NUP98: variants seen among roughly 807,000 people sequenced by gnomAD.
The protein encoded by NUP98 is nuclear pore complex protein Nup98-Nup96.
Under a neutral mutation model 191.9 loss-of-function variants are expected in NUP98, and 26 were observed. The observed-to-expected ratio is 0.14, with a 90% CI of 0.10 to 0.19. The LOEUF is 0.19. Among genes scored for constraint, NUP98 ranks in the 10% least tolerant of loss-of-function variants. The pLI is 1.00. For missense variants in NUP98, 1,941 were observed against 2,178.8 expected, an observed-to-expected ratio of 0.89 and a Z score of 2.17; for synonymous variants, 808 against 778.4, an observed-to-expected ratio of 1.04 and a Z score of -0.63.
intron 20 of NUP98, among the ~76,000 whole-genome samples, chr11:3,706,888 C>A (rs1377561512): frequency 1.3e-5 from 2 of 152,146 alleles, no homozygotes; most frequent in Non-Finnish European, 2.9e-5. Context: ...TAAACCAGCA[C>A]CCATGGTGAA....
Position 3,679,769 on chromosome 11 carries a change from A to G in NUP98, c.4919-61T>C, listed in dbSNP as rs1046314673. The G allele has an allele frequency of 4.0e-6, 6 of 1,509,676 alleles. No homozygotes were observed. In the African/African-American group the frequency reaches 8.4e-5, roughly 21 times the overall value. The allele number at this position is 1,509,676 out of a possible 1,614,324, so 93.5% of individuals were successfully genotyped here. ...AAGTGCATAGTTTCCAAAAGTACAG[A>G]AGACATGGCAGGAAGACAGAAAGGA... On this transcript the variant is annotated intron_variant, in intron 30 of 32. Coordinates refer to ENST00000324932, the MANE Select transcript of NUP98 (RefSeq NM_016320.5).
intron 27 of NUP98, among the ~76,000 whole-genome samples, chr11:3,692,369 T>A (rs1414729267): frequency 1.3e-5 from 2 of 150,720 alleles, no homozygotes; most frequent in African/African-American, 4.9e-5. Flanking sequence ...GGCTCATGCC[T>A]GTAATCCTAG....
At chr11:3,683,919 C>T (rs972172954) in intron 29 of NUP98, among the ~76,000 whole-genome samples, 6 of 152,202 alleles carry the variant, frequency 3.9e-5, no homozygotes, top group African/African-American at 1.4e-4. Context: ...TTAAAAATGA[C>T]AGCACTGGCC....
intron 1 of NUP98, among the ~76,000 whole-genome samples, chr11:3,784,929 G>T (rs1231420986): frequency 6.6e-6 from 1 of 152,110 alleles, no homozygotes; most frequent in Non-Finnish European, 1.5e-5. Flanking sequence ...CTGAGACCAG[G>T]AGTTCGAGAC....
intron 14 of NUP98, among the ~76,000 whole-genome samples, chr11:3,731,010 T>C (rs1333471047): frequency 6.6e-6 from 1 of 152,182 alleles, no homozygotes; most frequent in Non-Finnish European, 1.5e-5. Flanking sequence ...CTCACACCTG[T>C]AATCCCAGCA....
At chr11:3,790,721 G>A (rs2082305893) in intron 1 of NUP98, among the ~76,000 whole-genome samples, 1 of 152,124 alleles carries the variant, frequency 6.6e-6, no homozygotes, top group Middle Eastern at 3.4e-3. Context: ...TAATGAAGCA[G>A]CAAAAATTAT....
At chr11:3,779,429 G>T (rs2081872590) in intron 2 of NUP98, among the ~76,000 whole-genome samples, 172 bp from the exon 3 acceptor site, 1 of 152,030 alleles carries the variant, frequency 6.6e-6, no homozygotes, top group Admixed American at 6.5e-5. Flanking sequence ...ATCACCTGAG[G>T]TCGGGAGTTC....
chr11:3,732,712 T>C (rs1034520158), intron 13 of NUP98, among the ~76,000 whole-genome samples: 2 of 152,252 alleles, frequency 1.3e-5, no homozygotes, highest in Non-Finnish European at 2.9e-5. Context: ...ATGGCACCTC[T>C]ACAACATCCT....
chr11:3,784,452 C>T (rs1344340167), intron 1 of NUP98, among the ~76,000 whole-genome samples: 2 of 152,032 alleles, frequency 1.3e-5, no homozygotes, highest in African/African-American at 4.8e-5. Context: ...GCAAGCTTTT[C>T]AAAATACAAA....
chr11:3,693,355 C>G lies in NUP98; in HGVS notation c.4188G>C (p.Lys1396Asn), dbSNP rs771512966. Residue 1396 changes from lysine to asparagine, a missense_variant, in exon 27 of 33, where the codon AAG (lysine) becomes AAC (asparagine). By Grantham distance (94) the Lys-to-Asn change is moderately conservative (BLOSUM62 0). This residue lies in a region of NUP98 where 1,030 missense variants were observed against 1,115.8 expected (regional missense o/e 0.92). Coordinates refer to ENST00000324932, the MANE Select transcript of NUP98 (RefSeq NM_016320.5). Reference protein sequence around the residue: ...AGKPVWQLSEKKQINVCSQLD... With the variant: ...AGKPVWQLSENKQINVCSQLD... ...ACTGGGAGCACACGTTTATTTGCTT[C>G]TTTTCTGAGAGCTGCCACACCTGTG... is the stretch of plus-strand genomic sequence containing the variant. 1.9e-6 allele frequency: 3 copies of G among 1,614,136 alleles called. No homozygotes were observed. Among genetic ancestry groups the G allele is most frequent in the Non-Finnish European group, 2.5e-6 (3 of 1,180,006 alleles).
At chr11:3,700,959 T>C (rs1197981378) in intron 23 of NUP98, 120 bp from the exon 24 acceptor site, 3 of 715,262 alleles carry the variant, frequency 4.2e-6, no homozygotes, top group African/African-American at 3.6e-5. Context: ...CATTTCACTG[T>C]AGTTTTAAAG....
intron 10 of NUP98, among the ~76,000 whole-genome samples, chr11:3,757,985 T>C (rs765539135): frequency 6.6e-5 from 10 of 151,732 alleles, no homozygotes; most frequent in Non-Finnish European, 1.0e-4. Flanking sequence ...ACACAGTATA[T>C]GCGTGGTATG....
intron 6 of NUP98, among the ~76,000 whole-genome samples, chr11:3,773,245 A>T (rs1177448300): frequency 1.3e-5 from 2 of 152,080 alleles, no homozygotes; most frequent in Non-Finnish European, 2.9e-5. Context: ...CTACAAAAAA[A>T]TTTTTAAAAA....
chr11:3,774,690 C>G (rs1049919763), intron 5 of NUP98, among the ~76,000 whole-genome samples: 1 of 151,802 alleles, frequency 6.6e-6, no homozygotes, highest in African/African-American at 2.4e-5. Context: ...GCGCTCCCGT[C>G]TGGCTGACTC....
At chr11:3,705,996 C>CAAAAAAA in intron 21 of NUP98, among the ~76,000 whole-genome samples, 1 of 99,440 alleles carries the variant, frequency 1.0e-5, no homozygotes, top group African/African-American at 3.6e-5. Flanking sequence ...ACTAAAAATA[C>CAAAAAAA]AAAAAAAAAA....
At chr11:3,756,500 G>A (rs2080962702) in intron 10 of NUP98, among the ~76,000 whole-genome samples, 2 of 151,996 alleles carry the variant, frequency 1.3e-5, no homozygotes, top group Admixed American at 6.6e-5. Context: ...AACCATCACT[G>A]CAACTTCTGC....
chr11:3,729,314 C>G (rs983323630), intron 14 of NUP98, among the ~76,000 whole-genome samples: 20 of 151,870 alleles, frequency 1.3e-4, no homozygotes, highest in Admixed American at 7.2e-4. Context: ...CAGCAACCAG[C>G]AAGGCAGGAA....
intron 19 of NUP98, 134 bp from the exon 20 acceptor site, chr11:3,712,862 A>G (rs2079061971): frequency 2.5e-6 from 2 of 812,550 alleles, no homozygotes; most frequent in East Asian, 2.6e-5. Flanking sequence ...AAAGCAAAAT[A>G]TATCACCTAT....
intron 25 of NUP98, among the ~76,000 whole-genome samples, chr11:3,697,778 T>C (rs540005965): frequency 1.5e-5 from 2 of 133,510 alleles, no homozygotes; most frequent in South Asian, 4.7e-4. Flanking sequence ...ATCGTTCCAC[T>C]GCACTCCAGC....
Sources: gnomAD v4.1 joint callset for allele counts (sites outside exome capture counted in the v4.1 genomes callset) on GRCh38, gnomAD v4.1.1 for gene constraint, gnomAD v4.1.1 regional missense constraint, MANE v1.5 for transcripts, NCBI Gene and HGNC (gene_info 2026-07-23, HGNC 2026-07-21) for gene names.